The following ESCO1 variants were observed in gnomAD, a reference collection of about 807,000 sequenced individuals.
ESCO1 encodes the protein N-acetyltransferase ESCO1.
In ESCO1, 33 loss-of-function variants were observed where a neutral mutation model predicts 83.5. The ratio of observed to expected loss-of-function variants is 0.40; its 90% CI spans 0.30 to 0.53. ESCO1 has a LOEUF of 0.53. Among genes scored for constraint, ESCO1 ranks in the 20% least tolerant of loss-of-function variants. The pLI is 0.63. For missense variants in ESCO1, 855 were observed against 968.0 expected, an observed-to-expected ratio of 0.88 and a Z score of 1.55; for synonymous variants, 332 against 324.3, an observed-to-expected ratio of 1.02 and a Z score of -0.25.
At chr18:21,556,804 G>GA (rs1354631300) in intron 8 of ESCO1, among the ~76,000 whole-genome samples, 1 of 151,984 alleles carries the variant, frequency 6.6e-6, no homozygotes, top group Non-Finnish European at 1.5e-5. Context: ...AGGCTCAAGC[G>GA]ATTCTCCTGC....
intron 8 of ESCO1, among the ~76,000 whole-genome samples, chr18:21,559,544 G>A (rs867813206): frequency 2.0e-5 from 3 of 152,150 alleles, no homozygotes; most frequent in Admixed American, 2.0e-4. Flanking sequence ...ATAATTTTAG[G>A]AAACTAAATG....
At chr18:21,559,776 T>C (rs972315316) in intron 8 of ESCO1, among the ~76,000 whole-genome samples, 2 of 152,232 alleles carry the variant, frequency 1.3e-5, no homozygotes, top group African/African-American at 2.4e-5. Context: ...GCTATAGATA[T>C]TCTATGTCCA....
In ESCO1 at chr18:21,574,003, G is replaced by A; in HGVS notation, c.841C>T (p.Gln281Ter). Reference sequence around the variant, plus strand: ...TCACTTTGTTCAGGCACTGATGGCTGTGGACTTTTTGGGAGTGTTGTGTTA... The same window carrying A: ...TCACTTTGTTCAGGCACTGATGGCTATGGACTTTTTGGGAGTGTTGTGTTA... Reference protein sequence around the residue: ...NTNTTLPKSPQPSVPEQSDNE... With the variant: ...NTNTTLPKSP The change falls in exon 4 of 12, where the codon CAG becomes TAG. Residue 281 changes from glutamine to a stop codon, truncating the protein, a stop_gained. Transcript: ENST00000269214. LOFTEE classifies it high-confidence loss of function. 1.9e-6 allele frequency: 3 copies of A among 1,613,670 alleles called. No individual in the cohort carries two copies. Among genetic ancestry groups the A allele is most frequent in the Non-Finnish European group, 2.5e-6 (3 of 1,180,012 alleles).
intron 1 of ESCO1, among the ~76,000 whole-genome samples, chr18:21,586,262 A>G (rs1228841955): frequency 1.3e-5 from 2 of 152,230 alleles, no homozygotes; most frequent in South Asian, 2.1e-4. Flanking sequence ...TGGCTCCCAC[A>G]TAAGAACGAG....
At chr18:21,585,918 A>C (rs1349857084) in intron 1 of ESCO1, among the ~76,000 whole-genome samples, 1 of 152,276 alleles carries the variant, frequency 6.6e-6, no homozygotes, top group Admixed American at 6.5e-5. Flanking sequence ...TTATTGATAC[A>C]TAATGATTAC....
intron 9 of ESCO1, among the ~76,000 whole-genome samples, chr18:21,537,925 T>A (rs1048688015): frequency 6.6e-6 from 1 of 151,310 alleles, no homozygotes; most frequent in African/African-American, 2.4e-5. Flanking sequence ...CTTTTTTCAA[T>A]AAACATATTG....
At chr18:21,590,193 C>A (rs1248833400) in intron 1 of ESCO1, among the ~76,000 whole-genome samples, 1 of 151,500 alleles carries the variant, frequency 6.6e-6, no homozygotes, top group Non-Finnish European at 1.5e-5. Flanking sequence ...CTGATCACTT[C>A]CTTTCTTAAA....
In ESCO1 at chr18:21,575,234, C is replaced by A. The variant is rs1451824994; in HGVS notation, c.-391G>T. 5 of 385,044 alleles carry A rather than the reference C, an allele frequency of 1.3e-5. No homozygotes were observed. The highest frequency in any genetic ancestry group is 1.0e-4 in the African/African-American group (5 of 48,324). The allele number at this position is 385,044 out of a possible 1,614,324, so 23.9% of individuals were successfully genotyped here. ...TACTGGAGGAGTTATTTATCAGTGACCTGTTTTGATAAAATTTTTGAAAAC... is the reference window on the plus strand; with the variant it reads ...TACTGGAGGAGTTATTTATCAGTGAACTGTTTTGATAAAATTTTTGAAAAC... On this transcript the variant is annotated 5_prime_UTR_variant, in exon 4 of 12. Transcript: ENST00000269214.
At chr18:21,598,644 G>A (rs1371061486) in intron 1 of ESCO1, among the ~76,000 whole-genome samples, 1 of 152,074 alleles carries the variant, frequency 6.6e-6, no homozygotes, top group Non-Finnish European at 1.5e-5. Context: ...GGAGATTGCA[G>A]TGAGCCGAGA....
In ESCO1 at chr18:21,529,805, G is replaced by A. The variant is rs963069308; in HGVS notation, c.*538C>T. ...TAGCTGGAGCTTTCCTTTTCTATAG[G>A]GGTTTCTTCAAAGTATAGTTCAGGC... On this transcript the variant is annotated 3_prime_UTR_variant, in exon 12 of 12. Coordinates refer to ENST00000269214, the MANE Select transcript of ESCO1 (RefSeq NM_052911.3). 7 of 152,258 alleles carry A rather than the reference G, an allele frequency of 4.6e-5. No homozygotes were observed. The highest frequency in any genetic ancestry group is 8.8e-5 in the Non-Finnish European group (6 of 68,002). The allele number at this position is 152,258 out of a possible 1,614,324, so 9.4% of individuals were successfully genotyped here. A position where few individuals can be genotyped will look rare whatever the true frequency, so the allele number is the denominator to read the frequency against.
intron 8 of ESCO1, among the ~76,000 whole-genome samples, chr18:21,550,040 T>C (rs1188944548): frequency 1.3e-5 from 2 of 151,294 alleles, no homozygotes; most frequent in African/African-American, 2.4e-5. Context: ...TGAAAATCCA[T>C]GTGTTTTTAA....
chr18:21,537,488 T>TCA (rs772587655), intron 9 of ESCO1, among the ~76,000 whole-genome samples: 5 of 152,124 alleles, frequency 3.3e-5, no homozygotes, highest in Admixed American at 6.6e-5. Flanking sequence ...TGAGCTATGA[T>TCA]CACACCACTG....
At chr18:21,540,157 A>T in intron 8 of ESCO1, 148 bp from the exon 9 acceptor site, 1 of 720,012 alleles carries the variant, frequency 1.4e-6, no homozygotes, top group Non-Finnish European at 2.2e-6. Flanking sequence ...AATGCTTAAT[A>T]AAGCATGATA....
intron 1 of ESCO1, among the ~76,000 whole-genome samples, chr18:21,594,284 G>A (rs925120556): frequency 2.6e-5 from 4 of 152,210 alleles, no homozygotes; most frequent in Non-Finnish European, 4.4e-5. Context: ...GCCACCTTCT[G>A]AGTCCTGAAA....
At chr18:21,530,537 A>T (rs776333055) in intron 11 of ESCO1, 47 bp from the exon 12 acceptor site, 11 of 521,798 alleles carry the variant, frequency 2.1e-5, no homozygotes, top group Middle Eastern at 6.4e-4. Flanking sequence ...GTGAAATGTT[A>T]AAAAAAAAAA....
At chr18:21,538,160 G>A (rs965322179) in intron 9 of ESCO1, among the ~76,000 whole-genome samples, 1 of 151,918 alleles carries the variant, frequency 6.6e-6, no homozygotes, top group African/African-American at 2.4e-5. Context: ...GGAATCAAAA[G>A]TTGTACTTGG....
intron 8 of ESCO1, among the ~76,000 whole-genome samples, chr18:21,555,038 G>A (rs1423473610): frequency 6.6e-6 from 1 of 152,138 alleles, no homozygotes; most frequent in Non-Finnish European, 1.5e-5. Flanking sequence ...GGAGGTTGCA[G>A]TGAGCAGAGA....
At chr18:21,585,010 C>T (rs1002704340) in intron 1 of ESCO1, among the ~76,000 whole-genome samples, 16 of 151,734 alleles carry the variant, frequency 1.1e-4, no homozygotes, top group Non-Finnish European at 7.4e-5. Flanking sequence ...GGTGTGGTGG[C>T]GGGTGCCTGT....
chr18:21,564,563 T>C (rs1164296817), intron 6 of ESCO1, among the ~76,000 whole-genome samples: 2 of 151,570 alleles, frequency 1.3e-5, no homozygotes, highest in African/African-American at 4.8e-5. Context: ...GCTAATTTTT[T>C]TTTTTTGTAT....
Sources: allele counts gnomAD v4.1 joint callset (sites outside exome capture counted in the v4.1 genomes callset), GRCh38; gene constraint gnomAD v4.1.1; transcripts MANE v1.5; gene names NCBI Gene and HGNC (gene_info 2026-07-23, HGNC 2026-07-21).